The following ADAM12 variants were observed in gnomAD, a reference collection of about 807,000 sequenced individuals.
The protein encoded by ADAM12 is ADAM metallopeptidase domain 12.
A neutral mutation model predicts 106.4 loss-of-function variants in ADAM12; 70 were observed. That is an observed-to-expected ratio of 0.66 (90% CI 0.54 to 0.80). The LOEUF (loss-of-function observed/expected upper bound fraction) is 0.80. Among genes scored for constraint, ADAM12 ranks in the 30% least tolerant of loss-of-function variants. ADAM12 has a pLI of 0.00. For missense variants in ADAM12, 1,010 were observed against 1,171.9 expected (o/e 0.86, Z 2.02); for synonymous variants, 420 against 433.5 (o/e 0.97, Z 0.39).
chr10:126,158,336 AGGATGCACAGAGCATGAG>A (rs1277584431), intron 3 of ADAM12, among the ~76,000 whole-genome samples: 2 of 144,794 alleles, frequency 1.4e-5, no homozygotes, highest in African/African-American at 5.2e-5. Context: ...CATGGAGGGG[AGGATGCACAGAGCATGAG>A]GGATGCACAG....
At chr10:126,314,084 A>G (rs1961239674) in intron 2 of ADAM12, among the ~76,000 whole-genome samples, 1 of 152,062 alleles carries the variant, frequency 6.6e-6, no homozygotes, top group African/African-American at 2.4e-5. Context: ...CAAAAGCCAG[A>G]GGAGGAGCCA....
intron 3 of ADAM12, among the ~76,000 whole-genome samples, chr10:126,159,981 CA>C (rs2133738303): frequency 6.6e-6 from 1 of 152,314 alleles, no homozygotes; most frequent in South Asian, 2.1e-4. Flanking sequence ...GACCATGTCC[CA>C]CTGCTGCTGA....
intron 2 of ADAM12, among the ~76,000 whole-genome samples, chr10:126,314,222 G>A (rs1961247361): frequency 6.6e-6 from 1 of 152,206 alleles, no homozygotes. Flanking sequence ...AGTAAGCTTG[G>A]AGAGAGGGAC....
intron 3 of ADAM12, among the ~76,000 whole-genome samples, chr10:126,227,581 G>A (rs1024674718): frequency 1.3e-5 from 2 of 152,134 alleles, no homozygotes; most frequent in African/African-American, 2.4e-5. Flanking sequence ...CAGACCCACC[G>A]ATTCAGAATC....
chr10:126,021,311 T>TCAAA, intron 21 of ADAM12, among the ~76,000 whole-genome samples: 1 of 152,220 alleles, frequency 6.6e-6, no homozygotes. Context: ...AACAATGATT[T>TCAAA]CAAACACTTG....
chr10:126,376,534 T>A (rs1183966740), intron 1 of ADAM12, among the ~76,000 whole-genome samples: 2 of 152,246 alleles, frequency 1.3e-5, no homozygotes, highest in African/African-American at 4.8e-5. Flanking sequence ...ACAATAAATC[T>A]ATTAGGTACT....
At chr10:126,312,626 G>T (rs1961160558) in intron 2 of ADAM12, among the ~76,000 whole-genome samples, 1 of 152,154 alleles carries the variant, frequency 6.6e-6, no homozygotes, top group African/African-American at 2.4e-5. Context: ...ATAGGCAGAA[G>T]TCTCTCTGAA....
intron 3 of ADAM12, among the ~76,000 whole-genome samples, chr10:126,211,698 T>TTA (rs1957904248): frequency 6.6e-6 from 1 of 151,880 alleles, no homozygotes; most frequent in Non-Finnish European, 1.5e-5. Context: ...CTGCCAATAG[T>TTA]TATCTCTGCC....
rs183348603 is a variant in ADAM12, at chr10:126,366,134, A to T, written c.88+21924T>A. Among the ~76,000 whole-genome samples, 277 of 152,272 alleles carry T rather than the reference A, an allele frequency of 1.8e-3. 1 individual carries two copies. The highest frequency in any genetic ancestry group is 2.6e-4 in the Non-Finnish European group (18 of 67,992). ...GAGAAAAATTGACACAAATATGTAT[A>T]AAAAAATCTAATAAACAAGGTAGTA... On this transcript the variant is annotated intron_variant, in intron 1 of 22. Coordinates refer to ENST00000448723, the MANE Select transcript of ADAM12 (RefSeq NM_001288973.2).
At chr10:126,102,913 A>G (rs184862200) in intron 8 of ADAM12, among the ~76,000 whole-genome samples, 25 of 152,306 alleles carry the variant, frequency 1.6e-4, no homozygotes, top group Admixed American at 1.6e-3. Flanking sequence ...TACAAAGGTA[A>G]CAGTGATCAG....
At chr10:126,330,674 T>C (rs2133851472) in intron 1 of ADAM12, among the ~76,000 whole-genome samples, 165 bp from the exon 2 acceptor site, 1 of 152,368 alleles carries the variant, frequency 6.6e-6, no homozygotes, top group East Asian at 1.9e-4. Flanking sequence ...TGCTGAATTC[T>C]CTGTCAATCT....
chr10:126,211,372 C>T (rs1180861409), intron 3 of ADAM12, among the ~76,000 whole-genome samples: 3 of 152,202 alleles, frequency 2.0e-5, no homozygotes, highest in African/African-American at 7.2e-5. Context: ...GGGTGCTTCA[C>T]TTAAGTTCTT....
chr10:126,244,429 G>A (rs765295124), intron 3 of ADAM12, among the ~76,000 whole-genome samples: 50 of 151,244 alleles, frequency 3.3e-4, no homozygotes, highest in Non-Finnish European at 6.6e-4. Flanking sequence ...AGAGAAGGGA[G>A]GGCTCAGGAT....
intron 14 of ADAM12, among the ~76,000 whole-genome samples, chr10:126,060,758 G>A: frequency 6.6e-6 from 1 of 152,196 alleles, no homozygotes; most frequent in East Asian, 1.9e-4. Flanking sequence ...CTCCCGGGAG[G>A]ATATTGTGAA....
At chr10:126,218,317 C>T (rs1238131804) in intron 3 of ADAM12, among the ~76,000 whole-genome samples, 2 of 152,118 alleles carry the variant, frequency 1.3e-5, no homozygotes, top group Non-Finnish European at 2.9e-5. Context: ...TTCCTTCTAA[C>T]TATGTTGTTC....
chr10:126,051,541 CCATCCATCCATCCATCCAT>C lies in ADAM12; in HGVS notation c.1610-1891_1610-1873del, dbSNP rs1565015274. Among the ~76,000 whole-genome samples the C allele has an allele frequency of 5.3e-3, 411 of 77,568 alleles. 7 individuals are homozygous for C. In the East Asian group the frequency reaches 0.11, roughly 20 times the overall value. 50.9% of individuals were successfully genotyped at this position (77,568 alleles called of 152,430 possible). A position where few individuals can be genotyped will look rare whatever the true frequency, so the allele number is the denominator to read the frequency against. ...TCCATCCAGCCAGCCAGCCACCCATCCATCCATCCATCCATCCATCCATCCATCCATCCATCCATCCATC... is the reference window on the plus strand; with the variant it reads ...TCCATCCAGCCAGCCAGCCACCCATCCCATCCATCCATCCATCCATCCATC... On this transcript the variant is annotated intron_variant, in intron 14 of 22. Transcript: ENST00000448723.
chr10:126,061,948 C>T (rs1044917989), intron 14 of ADAM12, among the ~76,000 whole-genome samples: 2 of 152,178 alleles, frequency 1.3e-5, no homozygotes, highest in African/African-American at 2.4e-5. Flanking sequence ...GAAACACCGA[C>T]AAGGGGAGGA....
At chr10:126,215,670 A>G (rs977803577) in intron 3 of ADAM12, among the ~76,000 whole-genome samples, 4 of 152,204 alleles carry the variant, frequency 2.6e-5, no homozygotes, top group African/African-American at 9.7e-5. Flanking sequence ...GGAGGGCAGA[A>G]CTCAATGAGG....
intron 11 of ADAM12, among the ~76,000 whole-genome samples, chr10:126,087,955 T>C (rs1955389410): frequency 6.6e-6 from 1 of 152,268 alleles, no homozygotes; most frequent in Non-Finnish European, 1.5e-5. Flanking sequence ...CTGTATTTAA[T>C]TCTTCCGAGA....
Sources: gnomAD v4.1 joint callset for allele counts (sites outside exome capture counted in the v4.1 genomes callset) on GRCh38, gnomAD v4.1.1 for gene constraint, MANE v1.5 for transcripts, NCBI Gene and HGNC (gene_info 2026-07-23, HGNC 2026-07-21) for gene names.